Variants in RNASE10 observed in about 807,000 individuals in gnomAD.
RNASE10 encodes the protein inactive ribonuclease-like protein 10.
A neutral mutation model predicts 1.1 loss-of-function variants in RNASE10; 2 were observed. That is an observed-to-expected ratio of 1.82 (90% CI 0.74 to 5.73). RNASE10 has a LOEUF of 5.73. RNASE10 is among the 30% of genes most tolerant of loss of function. RNASE10 has a pLI of 0.05. For synonymous variants in RNASE10, 97 were observed against 96.2 expected (o/e 1.01, Z -0.05); for missense variants, 276 against 263.4 (o/e 1.05, Z -0.33).
At chr14:20,505,282 C>A (rs1195667574), upstream of RNASE10, among the ~76,000 whole-genome samples, 1 of 24,628 alleles carries the variant, frequency 4.1e-5, no homozygotes, top group Non-Finnish European at 8.9e-5. Flanking sequence ...CTCTCCCTCT[C>A]CCTCTCCCTC....
chr14:20,509,953 C>CA (rs375096247), intron 1 of RNASE10, among the ~76,000 whole-genome samples: 79,952 of 121,466 alleles, frequency 0.66, 27,542 homozygotes, highest in Non-Finnish European at 0.76. Context: ...AGACTCGTCT[C>CA]AAAAAAAAAA....
chr14:20,504,499 A>G (rs1429934606), upstream of RNASE10, among the ~76,000 whole-genome samples: 3 of 151,816 alleles, frequency 2.0e-5, no homozygotes, highest in African/African-American at 7.3e-5. Flanking sequence ...CATTCTGGCT[A>G]ACACGGTGAA....
chr14:20,505,250 A>C (rs1882660130), upstream of RNASE10, among the ~76,000 whole-genome samples: 4 of 122,582 alleles, frequency 3.3e-5, no homozygotes, highest in Admixed American at 3.7e-4. Context: ...TAAGGATGAA[A>C]AAGTGAGTTT....
At chr14:20,504,466 TCACGAGGTCGGGAGATCGAGAC>T (rs1472767721), upstream of RNASE10, among the ~76,000 whole-genome samples, 3 of 151,940 alleles carry the variant, frequency 2.0e-5, no homozygotes, top group South Asian at 4.2e-4. Flanking sequence ...GGCGGGCGGG[TCACGAGGTCGGGAGATCGAGAC>T]CATTCTGGCT....
intron 1 of RNASE10, 57 bp from the exon 2 acceptor site, chr14:20,510,410 A>G: frequency 6.4e-7 from 1 of 1,559,650 alleles, no homozygotes; most frequent in Non-Finnish European, 8.6e-7. Flanking sequence ...TACAGTCTCT[A>G]CTAGAGCCAA....
chr14:20,510,646 G>C (rs778440078), exon 2 of RNASE10: 1 of 1,614,200 alleles, frequency 6.2e-7, no homozygotes, highest in Middle Eastern at 1.6e-4. Flanking sequence ...CACTGAGGAG[G>C]GAGACGGCAC....
chr14:20,506,775 C>CA (rs1882741998), intron 1 of RNASE10, among the ~76,000 whole-genome samples: 1 of 129,034 alleles, frequency 7.7e-6, no homozygotes, highest in Non-Finnish European at 1.7e-5. Context: ...GGGGGGTCAG[C>CA]CCCCCGCCCG....
chr14:20,512,387 T>C (rs1451990873), downstream of RNASE10, among the ~76,000 whole-genome samples: 2 of 152,178 alleles, frequency 1.3e-5, no homozygotes, highest in Non-Finnish European at 2.9e-5. Flanking sequence ...AAGAGGAATC[T>C]GAGAACATAG....
intron 1 of RNASE10, among the ~76,000 whole-genome samples, chr14:20,508,771 AGTT>A (rs1428718293): frequency 3.9e-5 from 6 of 152,070 alleles, no homozygotes; most frequent in Non-Finnish European, 5.9e-5. Flanking sequence ...CTATTTTATT[AGTT>A]GTTGTTAATA....
At chr14:20,505,314 C>CTCTCCCTCTCCCTCTCCG (rs1882670655), upstream of RNASE10, among the ~76,000 whole-genome samples, 2 of 65,458 alleles carry the variant, frequency 3.1e-5, no homozygotes, top group Admixed American at 1.5e-4. Context: ...CTCCCTCTCC[C>CTCTCCCTCTCCCTCTCCG]TCTCCCTCTC....
At chr14:20,504,483 C>G (rs889249812), upstream of RNASE10, among the ~76,000 whole-genome samples, 8 of 151,734 alleles carry the variant, frequency 5.3e-5, no homozygotes, top group African/African-American at 1.7e-4. Context: ...GTCGGGAGAT[C>G]GAGACCATTC....
chr14:20,506,735 G>A (rs1594439819), intron 1 of RNASE10, among the ~76,000 whole-genome samples: 3 of 124,020 alleles, frequency 2.4e-5, no homozygotes, highest in Admixed American at 7.7e-5. Context: ...CCCCCCGCCC[G>A]GCCAGCCGCC....
intron 1 of RNASE10, among the ~76,000 whole-genome samples, chr14:20,509,986 G>A (rs1882852886): frequency 6.6e-6 from 1 of 150,598 alleles, no homozygotes. Flanking sequence ...GGGCATGGTA[G>A]TGTGTGCCTG....
At chr14:20,505,257 G>C (rs1566535762), upstream of RNASE10, among the ~76,000 whole-genome samples, 1 of 96,864 alleles carries the variant, frequency 1.0e-5, no homozygotes, top group Non-Finnish European at 2.0e-5. Flanking sequence ...GAAAAAGTGA[G>C]TTTGCTCCCT....
chr14:20,510,730 G>A lies in RNASE10; in HGVS notation c.343G>A (p.Gly115Ser), dbSNP rs202109789. The change falls in exon 2 of 2, where the codon GGT (glycine) becomes AGT (serine). Residue 115 changes from glycine to serine, a missense_variant. Transcript: ENST00000430083. Reference sequence around the variant, plus strand: ...TGGCTGGCCAGAAGATCCCATCCTCGGTGAAGATGAGGTTGGGGGTAACAA... The same window carrying A: ...TGGCTGGCCAGAAGATCCCATCCTCAGTGAAGATGAGGTTGGGGGTAACAA... The A allele has an allele frequency of 1.0e-4, 166 of 1,614,182 alleles. No homozygotes were observed. In the East Asian group the frequency reaches 1.2e-3, roughly 12 times the overall value.
At chr14:20,510,783 G>C (rs1882878780) in exon 2 of RNASE10, 1 of 1,614,080 alleles carries the variant, frequency 6.2e-7, no homozygotes, top group Non-Finnish European at 8.5e-7. Context: ...CTCTCTTTCA[G>C]AGCAACAAAG....
chr14:20,513,039 A>C (rs947302021), downstream of RNASE10, among the ~76,000 whole-genome samples: 1 of 152,114 alleles, frequency 6.6e-6, no homozygotes, highest in Non-Finnish European at 1.5e-5. Flanking sequence ...AAGAGAATGG[A>C]ATTAGCCAGG....
At chr14:20,506,747 C>G (rs1338242853) in intron 1 of RNASE10, among the ~76,000 whole-genome samples, 1 of 112,730 alleles carries the variant, frequency 8.9e-6, no homozygotes, top group Non-Finnish European at 2.0e-5. Flanking sequence ...CCAGCCGCCC[C>G]GTCCGGGAGG....
chr14:20,506,765 G>A (rs1212272552), intron 1 of RNASE10, among the ~76,000 whole-genome samples: 70 of 127,882 alleles, frequency 5.5e-4, no homozygotes, highest in African/African-American at 1.9e-3. Flanking sequence ...AGGGAGGTGG[G>A]GGGGGTCAGC....
Sources: gnomAD v4.1 joint callset for allele counts (sites outside exome capture counted in the v4.1 genomes callset) on GRCh38, gnomAD v4.1.1 for gene constraint, MANE v1.5 for transcripts, NCBI Gene and HGNC (gene_info 2026-07-23, HGNC 2026-07-21) for gene names.